Variants in ZNF444 observed in about 807,000 individuals in gnomAD.
ZNF444 encodes the protein endothelial zinc finger protein 2.
In ZNF444, 8 loss-of-function variants were observed where a neutral mutation model predicts 14.4. The ratio of observed to expected loss-of-function variants is 0.56; its 90% CI spans 0.33 to 1.00. The LOEUF is 1.00. ZNF444 is among the 50% of genes least tolerant of loss of function. The probability of loss-of-function intolerance (pLI) is 0.03; values close to 1 mark genes in which losing one functional copy is unlikely to be tolerated. For synonymous variants in ZNF444, 258 were observed against 235.9 expected, an observed-to-expected ratio of 1.09 and a Z score of -0.86; for missense variants, 510 against 504.8, an observed-to-expected ratio of 1.01 and a Z score of -0.10.
exon 1 of ZNF444, chr19:56,132,754 ATTC>A (rs1394946410): frequency 1.3e-5 from 2 of 152,052 alleles, no homozygotes; most frequent in Non-Finnish European, 2.9e-5. Flanking sequence ...TTTCCAAGGA[ATTC>A]TTCTCTGCCT....
upstream of ZNF444, among the ~76,000 whole-genome samples, chr19:56,136,341 G>A (rs368091867): frequency 1.3e-5 from 2 of 152,080 alleles, no homozygotes; most frequent in Non-Finnish European, 2.9e-5. Flanking sequence ...GTCCACCCTC[G>A]GATCCTTTGT....
At chr19:56,156,777 C>G (rs920558578) in intron 3 of ZNF444, 1 of 152,376 alleles carries the variant, frequency 6.6e-6, no homozygotes, top group Non-Finnish European at 1.5e-5. Flanking sequence ...GGGTTAGGAC[C>G]CCGGGGCTGC....
In ZNF444 at chr19:56,160,098, T is replaced by A; in HGVS notation, c.881T>A (p.Leu294Gln). Residue 294 changes from leucine to glutamine, a missense_variant, in exon 5 of 5, where the codon CTG (leucine) becomes CAG (glutamine). By Grantham distance (113) the Leu-to-Gln change is moderately radical. Transcript: ENST00000337080. ...GKGFGRREHV[L>Q]RHQRIHGRAA... ...GGCTTCGGGCGCCGCGAGCACGTGC[T>A]GCGCCACCAGCGCATCCACGGCCGG... 4 of 1,498,654 alleles carry A rather than the reference T, an allele frequency of 2.7e-6. No individual in the cohort carries two copies. The highest frequency in any genetic ancestry group is 3.5e-6 in the Non-Finnish European group (4 of 1,129,926). The allele number at this position is 1,498,654 out of a possible 1,614,324, so 92.8% of individuals were successfully genotyped here. A position where few individuals can be genotyped will look rare whatever the true frequency, so the allele number is the denominator to read the frequency against.
In ZNF444 at chr19:56,159,713, G is replaced by C; in HGVS notation, c.496G>C (p.Ala166Pro). The C allele has an allele frequency of 6.4e-7, 1 of 1,556,648 alleles. No homozygotes were observed. The highest frequency in any genetic ancestry group is 8.7e-7 in the Non-Finnish European group (1 of 1,155,508). The change falls in exon 5 of 5, where the codon GCG (alanine) becomes CCG (proline). Residue 166 changes from alanine to proline, a missense_variant. Ala to Pro is a conservative substitution (Grantham distance 27). Transcript: ENST00000337080. ...GCAGGAGCCCAGCAGCCCCCCGCTG[G>C]CGCCTGGCCTGCCCGCCTTCCTAGC... ...YKQEPSSPPLAPGLPAFLAAP... is the reference protein window; with the variant it reads ...YKQEPSSPPLPPGLPAFLAAP...
upstream of ZNF444, among the ~76,000 whole-genome samples, chr19:56,140,762 C>A (rs2030744960): frequency 6.6e-6 from 1 of 152,214 alleles, no homozygotes; most frequent in South Asian, 2.1e-4. Flanking sequence ...CTGGTCTCCT[C>A]CTCCTCCTCC....
upstream of ZNF444, among the ~76,000 whole-genome samples, chr19:56,140,756 T>TCTCCTC (rs3834636): frequency 6.6e-5 from 10 of 151,864 alleles, no homozygotes; most frequent in African/African-American, 2.4e-4. Context: ...TCTAGCCTGG[T>TCTCCTC]CTCCTCCTCC....
upstream of ZNF444, among the ~76,000 whole-genome samples, chr19:56,139,943 A>G (rs895337787): frequency 1.3e-5 from 2 of 152,116 alleles, no homozygotes; most frequent in Admixed American, 6.5e-5. Flanking sequence ...ATGAGTGGGA[A>G]GAAGATCAGC....
chr19:56,156,692 A>G (rs1393131213), intron 3 of ZNF444: 1 of 152,276 alleles, frequency 6.6e-6, no homozygotes, highest in Admixed American at 6.5e-5. Flanking sequence ...ACAAGACCGT[A>G]ACAAGGGCTG....
At chr19:56,133,259 G>C (rs1374020930) in intron 1 of ZNF444, among the ~76,000 whole-genome samples, 1 of 151,052 alleles carries the variant, frequency 6.6e-6, no homozygotes, top group Non-Finnish European at 1.5e-5. Context: ...TTTTAGTAGA[G>C]ACTTGGTTTC....
At chr19:56,138,153 G>A (rs976178957), upstream of ZNF444, among the ~76,000 whole-genome samples, 2 of 152,020 alleles carry the variant, frequency 1.3e-5, no homozygotes, top group African/African-American at 4.8e-5. Context: ...TGATAAATGG[G>A]TAAACAAAAT....
In ZNF444 at chr19:56,160,328, C is replaced by T. The variant is rs890660779; in HGVS notation, c.*127C>T. The T allele has an allele frequency of 2.7e-6, 2 of 748,742 alleles. No individual in the cohort carries two copies. Among genetic ancestry groups the T allele is most frequent in the Non-Finnish European group, 3.9e-6 (2 of 507,224 alleles). The allele number at this position is 748,742 out of a possible 1,614,324, so 46.4% of individuals were successfully genotyped here. A position where few individuals can be genotyped will look rare whatever the true frequency, so the allele number is the denominator to read the frequency against. Reference sequence around the variant, plus strand: ...CATCGTCCTCCTCCACCTGCGCCTCCCTTGTCTGAACTTCCCAACGCCTTC... The same window carrying T: ...CATCGTCCTCCTCCACCTGCGCCTCTCTTGTCTGAACTTCCCAACGCCTTC... On this transcript the variant is annotated 3_prime_UTR_variant, in exon 5 of 5. Coordinates refer to ENST00000337080, the MANE Select transcript of ZNF444 (RefSeq NM_018337.4).
chr19:56,146,831 T>G (rs1396055862), intron 2 of ZNF444, 59 bp from the exon 3 acceptor site: 2 of 1,233,678 alleles, frequency 1.6e-6, no homozygotes, highest in Non-Finnish European at 2.1e-6. Flanking sequence ...CCATTGTGAG[T>G]CTGGGCACCG....
chr19:56,160,200 A>G lies in ZNF444; in HGVS notation c.983A>G (p.Ter328TrpextTer85). 1 of 1,446,670 alleles carries G rather than the reference A, an allele frequency of 6.9e-7. No individual in the cohort carries two copies. Among genetic ancestry groups the G allele is most frequent in the Admixed American group, 2.8e-5 (1 of 35,420 alleles). The allele number at this position is 1,446,670 out of a possible 1,614,324, so 89.6% of individuals were successfully genotyped here. ...CCCTTCCCGCCCTGGCCCTTGGGTTAGCCGCCTCCCGGCCAGCGCCATCTC... is the reference window on the plus strand; with the variant it reads ...CCCTTCCCGCCCTGGCCCTTGGGTTGGCCGCCTCCCGGCCAGCGCCATCTC... Reference protein sequence around the residue: ...GGPFPPWPLG* With the variant: ...GGPFPPWPLGW Residue 328 changes from the stop codon to tryptophan (W), a stop_lost, in exon 5 of 5, where the codon TAG (stop) becomes TGG (tryptophan). Transcript: ENST00000337080.
intron 1 of ZNF444, among the ~76,000 whole-genome samples, chr19:56,132,931 C>CTTTTTT (rs1488948457): frequency 6.8e-4 from 26 of 38,152 alleles, no homozygotes; most frequent in Non-Finnish European, 1.6e-3. Context: ...TTCTTTCTTT[C>CTTTTTT]TTTCTTTTTT....
intron 3 of ZNF444, chr19:56,150,473 A>G (rs1330171878): frequency 5.5e-6 from 2 of 364,104 alleles, no homozygotes; most frequent in East Asian, 1.4e-4. Flanking sequence ...TGTATCTGTT[A>G]CTCTCTCTTT....
At position 56,144,555 on chromosome 19, in the gene ZNF444, C is replaced by T. The variant is rs539954503; in HGVS notation, c.-196-1692C>T. ...TCTAGGTGGCGAGAGTAGGCATACA[C>T]GGGTCTTGTGGCAGCCGTCCCAGCA... On this transcript the variant is annotated intron_variant, in intron 1 of 4. Coordinates refer to ENST00000337080, the MANE Select transcript of ZNF444 (RefSeq NM_018337.4). The surrounding 1 kb of genome is among the most constrained non-coding windows in gnomAD (Gnocchi z 4.0). 2.0e-4 allele frequency among the ~76,000 whole-genome samples: 30 copies of T among 152,226 alleles called. No individual in the cohort carries two copies. The highest frequency in any genetic ancestry group is 1.9e-3 in the South Asian group (9 of 4,816).
At chr19:56,149,353 A>C (rs1295521568) in intron 3 of ZNF444, among the ~76,000 whole-genome samples, 10 of 63,802 alleles carry the variant, frequency 1.6e-4, no homozygotes, top group South Asian at 6.7e-4. Flanking sequence ...CTCTGCTTCC[A>C]TCCCCCATCA....
chr19:56,139,714 C>A (rs1174165435), upstream of ZNF444, among the ~76,000 whole-genome samples: 8 of 18,706 alleles, frequency 4.3e-4, no homozygotes, highest in South Asian at 4.5e-3. Flanking sequence ...AAACAAAAAA[C>A]CAAAAAAAAA....
chr19:56,144,684 G>A lies in ZNF444; in HGVS notation c.-196-1563G>A, dbSNP rs981586786. Among the ~76,000 whole-genome samples, 4 of 152,148 alleles carry A rather than the reference G, an allele frequency of 2.6e-5. No homozygotes were observed. The highest frequency in any genetic ancestry group is 4.4e-5 in the Non-Finnish European group (3 of 68,032). On this transcript the variant is annotated intron_variant, in intron 1 of 4. Coordinates refer to ENST00000337080, the MANE Select transcript of ZNF444 (RefSeq NM_018337.4). The surrounding 1 kb of genome is among the most constrained non-coding windows in gnomAD (Gnocchi z 4.0). ...CACAGACTTCCTCTCAGACCTCACC[G>A]GCTAGAAGCAGATTATGTGCCCACC...
Sources: gnomAD v4.1 joint callset for allele counts (sites outside exome capture counted in the v4.1 genomes callset) on GRCh38, gnomAD v4.1.1 for gene constraint, Gnocchi (gnomAD v3.1) non-coding constraint, MANE v1.5 for transcripts, NCBI Gene and HGNC (gene_info 2026-07-23, HGNC 2026-07-21) for gene names.